Variants in MCM3 observed in about 807,000 individuals in gnomAD.
MCM3 encodes the protein minichromosome maintenance complex component 3.
MCM3 carries 59 observed loss-of-function variants against 91.3 expected under a neutral mutation model. That is an observed-to-expected ratio of 0.65 (90% confidence interval 0.52 to 0.80). The LOEUF (loss-of-function observed/expected upper bound fraction) is 0.80, where lower values mean the gene tolerates loss of function less well. MCM3 is among the 30% of genes least tolerant of loss of function. MCM3 has a pLI of 0.00. For synonymous variants in MCM3, 383 were observed against 379.6 expected, an observed-to-expected ratio of 1.01 and a Z score of -0.10; for missense variants, 919 against 1,035.4, an observed-to-expected ratio of 0.89 and a Z score of 1.54.
In MCM3 at chr6:52,265,938, G is replaced by T. The variant is rs532269836; in HGVS notation, c.2228+137C>A. 4 of 595,808 alleles carry T rather than the reference G, an allele frequency of 6.7e-6. No homozygotes were observed. In the Admixed American group the frequency reaches 1.3e-4, roughly 19 times the overall value. 36.9% of individuals were successfully genotyped at this position (595,808 alleles called of 1,614,324 possible). A position where few individuals can be genotyped will look rare whatever the true frequency, so the allele number is the denominator to read the frequency against. On this transcript the variant is annotated intron_variant, in intron 16 of 16. Transcript: ENST00000596288. ...TTGAAATTAAATGAGAATATAAAAT[G>T]TTAAAAGCTGCAGGCCTCTAGTTTT...
At chr6:52,266,036 C>A (rs958443024) in intron 16 of MCM3, 39 bp downstream of exon 16, 5 of 1,584,804 alleles carry the variant, frequency 3.2e-6, no homozygotes, top group Non-Finnish European at 3.5e-6. Flanking sequence ...CAGCGATACA[C>A]AGAATTCTTG....
chr6:52,279,759 A>G (rs1425937312), intron 4 of MCM3, among the ~76,000 whole-genome samples, 160 bp from the exon 5 acceptor site: 1 of 152,244 alleles, frequency 6.6e-6, no homozygotes. Context: ...TGTCTGTTTT[A>G]GTAACAACCA....
intron 7 of MCM3, 89 bp downstream of exon 7, chr6:52,277,446 T>C: frequency 7.4e-7 from 1 of 1,347,272 alleles, no homozygotes; most frequent in Non-Finnish European, 1.0e-6. Context: ...GAAATACTGC[T>C]AAGTACAGAA....
In MCM3 at chr6:52,279,381, G is replaced by A; in HGVS notation, c.750C>T (p.Gly250=). Reference sequence around the variant, plus strand: ...TTTACCTGAAGGTCCCAGAGGTGTAGCCTCCCTTCTTTCCAGGAAGGCAAC... The same window carrying A: ...TTTACCTGAAGGTCCCAGAGGTGTAACCTCCCTTCTTTCCAGGAAGGCAAC... ...TYRCLPGKKG[G]YTSGTFRTVL... The change falls in exon 5 of 17, where the codon GGC becomes GGT. Residue 250 remains glycine, a synonymous_variant. Coordinates refer to ENST00000596288, the MANE Select transcript of MCM3 (RefSeq NM_002388.6). 6.2e-7 allele frequency: 1 copy of A among 1,613,904 alleles called. No individual in the cohort carries two copies. The highest frequency in any genetic ancestry group is 8.5e-7 in the Non-Finnish European group (1 of 1,179,920).
At chr6:52,284,497 G>C (rs1009548640) in intron 1 of MCM3, 100 bp downstream of exon 1, 1 of 1,079,302 alleles carries the variant, frequency 9.3e-7, no homozygotes, top group Non-Finnish European at 1.3e-6. Context: ...GCTCCGCTGC[G>C]GCACACGGTC....
chr6:52,264,854 C>T, intron 16 of MCM3, 68 bp from the exon 17 acceptor site: 2 of 1,358,722 alleles, frequency 1.5e-6, no homozygotes, highest in East Asian at 4.6e-5. Context: ...AACAGCTATA[C>T]TAGGAAAATC....
At chr6:52,284,453 T>C (rs1387834302) in intron 1 of MCM3, 144 bp downstream of exon 1, 2 of 668,158 alleles carry the variant, frequency 3.0e-6, no homozygotes, top group Non-Finnish European at 4.9e-6. Flanking sequence ...GTTGAGAAGT[T>C]ACAAGATTGG....
Position 52,272,449 on chromosome 6 carries a change from T to C in MCM3, c.1679A>G (p.Glu560Gly). 1 of 1,614,042 alleles carries C rather than the reference T, an allele frequency of 6.2e-7. No homozygotes were observed. Residue 560 changes from glutamate (E) to glycine (G), a missense_variant and splice_region_variant, in exon 12 of 17, where the codon GAG becomes GGG. Glu to Gly is a moderately conservative substitution (Grantham distance 98). This residue lies in a region of MCM3 where 233 missense variants were observed against 321.2 expected (regional missense o/e 0.73). Coordinates refer to ENST00000596288, the MANE Select transcript of MCM3 (RefSeq NM_002388.6). ...NLLHGTKKKK[E>G]KMVSAAFMKK... ...CATGAATGCTGCACTCACCATCTTC[T>C]CCCTGGAGCCACACACAGTGAATTC...
At chr6:52,279,637 T>C in intron 4 of MCM3, 38 bp from the exon 5 acceptor site, 1 of 1,480,450 alleles carries the variant, frequency 6.8e-7, no homozygotes, top group Non-Finnish European at 9.3e-7. Context: ...GTGATCTCCG[T>C]CCTGTCTTAA....
intron 6 of MCM3, 124 bp downstream of exon 6, chr6:52,278,618 A>G (rs965604673): frequency 1.6e-6 from 1 of 610,578 alleles, no homozygotes; most frequent in African/African-American, 1.9e-5. Context: ...ATTGAGACAA[A>G]AATAGAAAAA....
At chr6:52,269,306 A>G in intron 12 of MCM3, 80 bp from the exon 13 acceptor site, 2 of 1,445,372 alleles carry the variant, frequency 1.4e-6, no homozygotes, top group South Asian at 1.4e-5. Context: ...AAGGGAAATG[A>G]CACTACCAGA....
chr6:52,264,732 C>G lies in MCM3; in HGVS notation c.2283G>C (p.Gln761His), dbSNP rs756235715. Reference protein sequence around the residue: ...LLDVFREAHAQSIGMNRLTES... With the variant: ...LLDVFREAHAHSIGMNRLTES... ...CTGTGAGGCGATTCATGCCGATTGA[C>G]TGCGCATGAGCTTCCCGGAACACAT... The change falls in exon 17 of 17, where the codon CAG becomes CAC. Residue 761 changes from glutamine to histidine, a missense_variant. By Grantham distance (24) the Gln-to-His change is conservative (BLOSUM62 0). Around this residue, in one of 3 missense-constraint regions of MCM3, gnomAD observed 285 missense variants for 311.4 expected, o/e 0.92. Transcript: ENST00000596288. The G allele has an allele frequency of 1.2e-6, 2 of 1,614,168 alleles. No homozygotes were observed. Among genetic ancestry groups the G allele is most frequent in the South Asian group, 1.1e-5 (1 of 91,074 alleles).
chr6:52,277,288 G>T, intron 7 of MCM3, 90 bp from the exon 8 acceptor site: 2 of 1,395,266 alleles, frequency 1.4e-6, no homozygotes, highest in East Asian at 2.3e-5. Context: ...TGACACAACA[G>T]AGTCACACAG....
chr6:52,272,179 A>C (rs1361029165), intron 12 of MCM3, 122 bp downstream of exon 12: 2 of 925,240 alleles, frequency 2.2e-6, no homozygotes, highest in African/African-American at 3.3e-5. Flanking sequence ...TATAACAGGA[A>C]GCCCTTCAGA....
chr6:52,283,520 C>T, intron 1 of MCM3, 114 bp from the exon 2 acceptor site: 1 of 749,404 alleles, frequency 1.3e-6, no homozygotes, highest in Non-Finnish European at 2.4e-6. Context: ...AGAGCTGAAT[C>T]CCCAGTAAGT....
At chr6:52,266,019 C>T in intron 16 of MCM3, 56 bp downstream of exon 16, 2 of 1,503,454 alleles carry the variant, frequency 1.3e-6, no homozygotes, top group South Asian at 2.3e-5. Context: ...GAACAAAGTC[C>T]CTTCCTCAGC....
At chr6:52,269,304 T>C (rs921062463) in intron 12 of MCM3, 78 bp from the exon 13 acceptor site, 3 of 1,457,048 alleles carry the variant, frequency 2.1e-6, no homozygotes, top group Non-Finnish European at 2.8e-6. Flanking sequence ...GAAAGGGAAA[T>C]GACACTACCA....
At chr6:52,267,493 T>TCTACTTCTCTCCCCAGTCCCACTGGAA (rs1764735194) in intron 14 of MCM3, among the ~76,000 whole-genome samples, 1 of 149,500 alleles carries the variant, frequency 6.7e-6, no homozygotes, top group African/African-American at 2.5e-5. Context: ...CCTTCTACCC[T>TCTACTTCTCTCCCCAGTCCCACTGGAA]CTACTTCTCT....
Position 52,273,127 on chromosome 6 carries a change from T to A in MCM3, c.1676+103A>T. On this transcript the variant is annotated intron_variant, in intron 11 of 16. Coordinates refer to ENST00000596288, the MANE Select transcript of MCM3 (RefSeq NM_002388.6). ...ACGTGGTTATGACTCCAGGCATGGC[T>A]TTGACCTGGGCATATAAGGCCTTAG... is the stretch of plus-strand genomic sequence containing the variant. 5 of 1,396,888 alleles carry A rather than the reference T, an allele frequency of 3.6e-6. No homozygotes were observed. In the South Asian group the frequency reaches 4.9e-5, roughly 14 times the overall value. The allele number at this position is 1,396,888 out of a possible 1,614,324, so 86.5% of individuals were successfully genotyped here. A position where few individuals can be genotyped will look rare whatever the true frequency, so the allele number is the denominator to read the frequency against.
Sources: gnomAD v4.1 joint callset for allele counts (sites outside exome capture counted in the v4.1 genomes callset) on GRCh38, gnomAD v4.1.1 for gene constraint, gnomAD v4.1.1 regional missense constraint, MANE v1.5 for transcripts, NCBI Gene and HGNC (gene_info 2026-07-23, HGNC 2026-07-21) for gene names.